The following PCBP3 variants were observed in gnomAD, a reference collection of about 807,000 sequenced individuals.
PCBP3 encodes poly(rC) binding protein 3, also known as poly(rC)-binding protein 3.
A neutral mutation model predicts 52.7 loss-of-function variants in PCBP3; 25 were observed. That is an observed-to-expected ratio of 0.47 (90% CI 0.35 to 0.66). The LOEUF (loss-of-function observed/expected upper bound fraction) is 0.66. PCBP3 is among the 30% of genes least tolerant of loss of function. PCBP3 has a pLI of 0.01. For synonymous variants in PCBP3, 162 were observed against 183.0 expected (o/e 0.89, Z 0.93); for missense variants, 391 against 490.3 (o/e 0.80, Z 1.91).
At chr21:45,824,452 G>T (rs2093251411) in intron 4 of PCBP3, among the ~76,000 whole-genome samples, 1 of 152,244 alleles carries the variant, frequency 6.6e-6, no homozygotes, top group Non-Finnish European at 1.5e-5. Context: ...ATCATGGAAG[G>T]AGGGGGCAGA....
chr21:45,931,039 TCAGA>T (rs2076113176), intron 15 of PCBP3, among the ~76,000 whole-genome samples, 194 bp downstream of exon 15: 1 of 152,094 alleles, frequency 6.6e-6, no homozygotes, highest in Non-Finnish European at 1.5e-5. Context: ...CCTGAGGTGC[TCAGA>T]GCAGGGCACC....
At chr21:45,894,783 G>A (rs1192702402) in intron 5 of PCBP3, among the ~76,000 whole-genome samples, 4 of 152,250 alleles carry the variant, frequency 2.6e-5, no homozygotes, top group South Asian at 2.1e-4. Context: ...ACAGTGCAGC[G>A]AGAGCATTCT....
chr21:45,789,188 G>C (rs1262680731), intron 4 of PCBP3, among the ~76,000 whole-genome samples: 1 of 152,250 alleles, frequency 6.6e-6, no homozygotes, highest in African/African-American at 2.4e-5. Context: ...ACGTGCGTGT[G>C]CATGTGTGTG....
intron 4 of PCBP3, among the ~76,000 whole-genome samples, chr21:45,815,419 A>AGTGAGTG (rs1486254391): frequency 1.2e-5 from 1 of 81,254 alleles, no homozygotes; most frequent in Non-Finnish European, 2.4e-5. Context: ...GTGAGTGATG[A>AGTGAGTG]GTGAGTGGTG....
intron 15 of PCBP3, among the ~76,000 whole-genome samples, chr21:45,931,764 G>A (rs1441975800): frequency 6.6e-6 from 1 of 151,958 alleles, no homozygotes; most frequent in Non-Finnish European, 1.5e-5. Context: ...CATCAGCCAT[G>A]CTGTCCTGAA....
intron 4 of PCBP3, among the ~76,000 whole-genome samples, chr21:45,756,240 G>C (rs9978078): frequency 0.18 from 26,669 of 152,048 alleles, 2,475 homozygotes; most frequent in Middle Eastern, 0.33. Context: ...ACCAGACAGC[G>C]ATCTGTGCTG....
intron 9 of PCBP3, chr21:45,901,400 G>T: frequency 2.6e-6 from 1 of 377,510 alleles, no homozygotes; most frequent in South Asian, 2.4e-5. Flanking sequence ...CACCGAGCAC[G>T]GCCTCAGAAC....
chr21:45,941,741 T>C lies in PCBP3; in HGVS notation c.*35T>C. On this transcript the variant is annotated 3_prime_UTR_variant, in exon 18 of 18. Coordinates refer to ENST00000681687, the MANE Select transcript of PCBP3 (RefSeq NM_001384156.1). The stretch of plus-strand genomic sequence containing the variant: ...GCACCCTTCCCCCGCGTCACCCACC[T>C]GCCAGAGCCTAAGGCCCCCGGCTCT... 1.3e-6 allele frequency: 2 copies of C among 1,585,100 alleles called. No individual in the cohort carries two copies. The highest frequency in any genetic ancestry group is 1.7e-6 in the Non-Finnish European group (2 of 1,162,880).
intron 4 of PCBP3, among the ~76,000 whole-genome samples, chr21:45,833,322 T>C (rs2093499749): frequency 6.6e-6 from 1 of 152,234 alleles, no homozygotes; most frequent in South Asian, 2.1e-4. Context: ...TGCCATCAGA[T>C]GGAAAGCTGA....
At chr21:45,792,787 T>C (rs756152951) in intron 4 of PCBP3, among the ~76,000 whole-genome samples, 4 of 152,090 alleles carry the variant, frequency 2.6e-5, no homozygotes, top group Non-Finnish European at 4.4e-5. Context: ...CTCAGGGAGT[T>C]GGAGAGGGCT....
At chr21:45,668,662 TC>T (rs776950443) in intron 1 of PCBP3, among the ~76,000 whole-genome samples, 3 of 152,148 alleles carry the variant, frequency 2.0e-5, no homozygotes, top group Non-Finnish European at 4.4e-5. Context: ...AGAAATGTTC[TC>T]CAGATTGTGG....
At chr21:45,860,015 C>T (rs1724543973) in intron 5 of PCBP3, among the ~76,000 whole-genome samples, 1 of 152,338 alleles carries the variant, frequency 6.6e-6, no homozygotes, top group African/African-American at 2.4e-5. Flanking sequence ...CTGACAAATG[C>T]ACCCAGGAGT....
chr21:45,652,528 C>T (rs1469341959), intron 1 of PCBP3, among the ~76,000 whole-genome samples: 2 of 150,880 alleles, frequency 1.3e-5, no homozygotes, highest in Non-Finnish European at 2.9e-5. Flanking sequence ...GCAACCTCCT[C>T]TTTCCGGGTT....
intron 4 of PCBP3, among the ~76,000 whole-genome samples, chr21:45,808,143 A>C (rs550470044): frequency 6.6e-6 from 1 of 152,338 alleles, no homozygotes; most frequent in African/African-American, 2.4e-5. Flanking sequence ...ATGGGCAAAG[A>C]CTTATGACTA....
At chr21:45,816,664 GAGC>G (rs1205268096) in intron 4 of PCBP3, among the ~76,000 whole-genome samples, 1 of 150,530 alleles carries the variant, frequency 6.6e-6, no homozygotes, top group African/African-American at 2.5e-5. Flanking sequence ...AACAGGCGTG[GAGC>G]TGTCCTCTGC....
chr21:45,816,003 G>A (rs1186728804), intron 4 of PCBP3, among the ~76,000 whole-genome samples: 7 of 134,464 alleles, frequency 5.2e-5, no homozygotes, highest in African/African-American at 1.8e-4. Context: ...AGTGGTGAGT[G>A]GTGAGTGAGT....
rs138226209 is a variant in PCBP3, at chr21:45,667,075, G to GTTCT, written c.-278-1768_-278-1765dup. ...TGAGAGTTTCATTATGCATCTGTTT[G>GTTCT]TTCTTTCTTTCTTTCTTTCTTTCTT... On this transcript the variant is annotated intron_variant, in intron 1 of 17. Coordinates refer to ENST00000681687, the MANE Select transcript of PCBP3 (RefSeq NM_001384156.1). Among the ~76,000 whole-genome samples, 1,077 of 147,658 alleles carry GTTCT rather than the reference G, an allele frequency of 7.3e-3. 11 individuals are homozygous for GTTCT. Among genetic ancestry groups the GTTCT allele is most frequent in the Middle Eastern group, 0.021 (6 of 288 alleles).
chr21:45,918,940 C>G (rs375971), intron 13 of PCBP3: 28,311 of 150,180 alleles, frequency 0.19, 3,591 homozygotes, highest in Non-Finnish European at 0.27. Flanking sequence ...GAAGAAGATA[C>G]TCTCAGATCA....
chr21:45,805,083 C>T lies in PCBP3; in HGVS notation c.-125-44878C>T, dbSNP rs2092447591. 6.6e-6 allele frequency among the ~76,000 whole-genome samples: 1 copy of T among 152,138 alleles called. No individual in the cohort carries two copies. Among genetic ancestry groups the T allele is most frequent in the South Asian group, 2.1e-4 (1 of 4,828 alleles). ...CCTGCTGTGGGGAGAGCCGTGCAGC[C>T]CCAGGCCGTGTGTGGGAAGGCCTGT... is the stretch of plus-strand genomic sequence containing the variant. On this transcript the variant is annotated intron_variant, in intron 4 of 17. Coordinates refer to ENST00000681687, the MANE Select transcript of PCBP3 (RefSeq NM_001384156.1). This position sits in a 1 kb window ranked among gnomAD's most constrained non-coding sequence, Gnocchi z 4.6.
Sources: allele counts gnomAD v4.1 joint callset (sites outside exome capture counted in the v4.1 genomes callset), GRCh38; gene constraint gnomAD v4.1.1; non-coding constraint Gnocchi (gnomAD v3.1); transcripts MANE v1.5; gene names NCBI Gene and HGNC (gene_info 2026-07-23, HGNC 2026-07-21).